Variants in DOCK7 observed in about 807,000 individuals in gnomAD.
The protein encoded by DOCK7 is dedicator of cytokinesis protein 7.
In DOCK7, 138 loss-of-function variants were observed where a neutral mutation model predicts 271.0. That is an observed-to-expected ratio of 0.51 (90% CI 0.44 to 0.59). The LOEUF is 0.59. Among genes scored for constraint, DOCK7 ranks in the 20% least tolerant of loss-of-function variants. The probability of loss-of-function intolerance (pLI) is 0.00; values close to 1 mark genes in which losing one functional copy is unlikely to be tolerated. For synonymous variants in DOCK7, 823 were observed against 876.1 expected, an observed-to-expected ratio of 0.94 and a Z score of 1.07; for missense variants, 2,066 against 2,592.4, an observed-to-expected ratio of 0.80 and a Z score of 4.41.
At chr1:62,598,170 C>A in intron 14 of DOCK7, 1 of 1,046,840 alleles carries the variant, frequency 9.6e-7, no homozygotes, top group Non-Finnish European at 1.3e-6. Flanking sequence ...TGTTGAAATA[C>A]TTTTTTTTCC....
chr1:62,541,241 G>A (rs571244571), intron 25 of DOCK7, among the ~76,000 whole-genome samples: 26 of 152,092 alleles, frequency 1.7e-4, no homozygotes, highest in African/African-American at 6.0e-4. Flanking sequence ...TGCATTCTAA[G>A]ACAAGTTACT....
At position 62,475,761 on chromosome 1, in the gene DOCK7, C is replaced by G. The variant is rs765400205; in HGVS notation, c.5907G>C (p.Thr1969=). The change falls in exon 46 of 50, where the codon ACG becomes ACC. Residue 1969 remains threonine (T), a synonymous_variant. Transcript: ENST00000635253. ...EQFKRKTILT[T]SHAFPYIKTR... Reference sequence around the variant, plus strand: ...TTTTAATATAAGGAAAGGCATGAGACGTAGTCAGAATGGTCTTCCTTTTGA... The same window carrying G: ...TTTTAATATAAGGAAAGGCATGAGAGGTAGTCAGAATGGTCTTCCTTTTGA... The G allele has an allele frequency of 6.2e-7, 1 of 1,614,012 alleles. No homozygotes were observed. Among genetic ancestry groups the G allele is most frequent in the East Asian group, 2.2e-5 (1 of 44,862 alleles).
chr1:62,622,159 A>G (rs1653330511), intron 12 of DOCK7, among the ~76,000 whole-genome samples: 1 of 152,220 alleles, frequency 6.6e-6, no homozygotes, highest in African/African-American at 2.4e-5. Flanking sequence ...AGAAGATGAC[A>G]GTAGAATTTG....
In DOCK7 at chr1:62,525,083, G is replaced by A. The variant is rs370770680; in HGVS notation, c.3936+3068C>T. On this transcript the variant is annotated intron_variant, in intron 31 of 49. Coordinates refer to ENST00000635253, the MANE Select transcript of DOCK7 (RefSeq NM_001367561.1). ...TGCAGTGGCGCGATCTAGGCTTACT[G>A]CAAACTCCACCTCCCAGGTTCAAGT... is the stretch of plus-strand genomic sequence containing the variant. Among the ~76,000 whole-genome samples, 20 of 151,258 alleles carry A rather than the reference G, an allele frequency of 1.3e-4. No individual in the cohort carries two copies. The East Asian group carries it at 2.5e-3, about 19-fold the overall frequency.
chr1:62,475,546 G>A, intron 46 of DOCK7, 161 bp downstream of exon 46: 1 of 1,071,608 alleles, frequency 9.3e-7, no homozygotes, highest in South Asian at 1.6e-5. Context: ...GTGAATTAGG[G>A]TCTTAGAAAA....
At chr1:62,552,927 T>A in intron 21 of DOCK7, 26 bp from the exon 22 acceptor site, 1 of 1,439,370 alleles carries the variant, frequency 6.9e-7, no homozygotes, top group Non-Finnish European at 9.2e-7. Context: ...AAATAGCACA[T>A]AATTAAAGAA....
chr1:62,565,703 C>A (rs1646490530), intron 18 of DOCK7, among the ~76,000 whole-genome samples: 1 of 152,252 alleles, frequency 6.6e-6, no homozygotes, highest in East Asian at 1.9e-4. Context: ...ATTGGAAGTT[C>A]TGGCTAGGGC....
chr1:62,460,044 G>A (rs1366066220), intron 48 of DOCK7, among the ~76,000 whole-genome samples: 4 of 143,876 alleles, frequency 2.8e-5, no homozygotes, highest in Non-Finnish European at 6.0e-5. Context: ...AGCTTGCAGT[G>A]AGCAGAGATT....
intron 43 of DOCK7, chr1:62,478,951 T>C (rs1008732488): frequency 2.0e-5 from 3 of 152,016 alleles, no homozygotes; most frequent in Non-Finnish European, 4.4e-5. Context: ...AGATAAATAT[T>C]TGGACACTTT....
intron 7 of DOCK7, chr1:62,641,593 A>C: frequency 2.1e-6 from 1 of 472,916 alleles, no homozygotes; most frequent in Non-Finnish European, 4.3e-6. Flanking sequence ...AGAAATTGCC[A>C]GAAATGTGGA....
intron 48 of DOCK7, among the ~76,000 whole-genome samples, chr1:62,467,277 T>C (rs190889940): frequency 4.6e-5 from 7 of 152,330 alleles, no homozygotes; most frequent in Admixed American, 4.6e-4. Context: ...TAGTTGTAGA[T>C]ATGGCTTAAA....
At chr1:62,474,587 T>C (rs1645918913) in intron 47 of DOCK7, among the ~76,000 whole-genome samples, 1 of 96,070 alleles carries the variant, frequency 1.0e-5, no homozygotes, top group Non-Finnish European at 2.7e-5. Context: ...TTTGTAAAGG[T>C]CTTAAGGTAT....
chr1:62,621,968 T>C (rs1356238368), intron 12 of DOCK7, among the ~76,000 whole-genome samples: 1 of 152,232 alleles, frequency 6.6e-6, no homozygotes, highest in East Asian at 1.9e-4. Context: ...CTTTACTCCC[T>C]GTTTCCATGC....
At chr1:62,668,504 T>A (rs555323574) in intron 1 of DOCK7, among the ~76,000 whole-genome samples, 163 of 152,350 alleles carry the variant, frequency 1.1e-3, no homozygotes, top group African/African-American at 3.5e-3. Context: ...AGGGTTTTTT[T>A]AAAATGTTTT....
At chr1:62,536,434 G>T (rs1557682287) in intron 28 of DOCK7, among the ~76,000 whole-genome samples, 1 of 152,106 alleles carries the variant, frequency 6.6e-6, no homozygotes, top group Non-Finnish European at 1.5e-5. Flanking sequence ...TTCCTTAAGG[G>T]TGTTAGCAAC....
At chr1:62,616,502 T>C in intron 14 of DOCK7, among the ~76,000 whole-genome samples, 1 of 151,818 alleles carries the variant, frequency 6.6e-6, no homozygotes, top group Non-Finnish European at 1.5e-5. Context: ...TTTATTTTTA[T>C]TCAAATTATA....
At chr1:62,669,367 G>A (rs1450135464) in intron 1 of DOCK7, among the ~76,000 whole-genome samples, 3 of 152,210 alleles carry the variant, frequency 2.0e-5, no homozygotes. Flanking sequence ...TAAAAGTATG[G>A]TGGGGGGAAA....
At chr1:62,642,746 T>C (rs1274632412) in intron 7 of DOCK7, among the ~76,000 whole-genome samples, 2 of 152,206 alleles carry the variant, frequency 1.3e-5, no homozygotes, top group Non-Finnish European at 2.9e-5. Context: ...TCTTTGTTCA[T>C]CATTCTTCTA....
intron 4 of DOCK7, among the ~76,000 whole-genome samples, chr1:62,651,396 A>C (rs564518338): frequency 2.0e-5 from 3 of 151,048 alleles, no homozygotes; most frequent in African/African-American, 2.4e-5. Flanking sequence ...ACATGTATAC[A>C]TATGTAACAA....
Sources: allele counts gnomAD v4.1 joint callset (sites outside exome capture counted in the v4.1 genomes callset), GRCh38; gene constraint gnomAD v4.1.1; transcripts MANE v1.5; gene names NCBI Gene and HGNC (gene_info 2026-07-23, HGNC 2026-07-21).